ABTB2: variants seen among roughly 807,000 people sequenced by gnomAD.
The protein encoded by ABTB2 is ankyrin repeat and BTB/POZ domain-containing protein 2.
ABTB2 carries 56 observed loss-of-function variants against 104.1 expected under a neutral mutation model. The ratio of observed to expected loss-of-function variants is 0.54; its 90% CI spans 0.43 to 0.67. The LOEUF (loss-of-function observed/expected upper bound fraction) is 0.67. Among genes scored for constraint, ABTB2 ranks in the 30% least tolerant of loss-of-function variants. The pLI is 0.00. For synonymous variants in ABTB2, 606 were observed against 608.2 expected (o/e 1.00, Z 0.05); for missense variants, 1,279 against 1,407.7 (o/e 0.91, Z 1.46).
intron 1 of ABTB2, among the ~76,000 whole-genome samples, chr11:34,258,615 T>TTG (rs1565153053): frequency 4.8e-5 from 7 of 146,802 alleles, no homozygotes; most frequent in Admixed American, 2.7e-4. Context: ...CTTTTTTTTT[T>TTG]TTTTTTTTTT....
intron 3 of ABTB2, among the ~76,000 whole-genome samples, chr11:34,180,902 C>G (rs559626076): frequency 4.6e-5 from 7 of 152,092 alleles, no homozygotes; most frequent in African/African-American, 1.7e-4. Flanking sequence ...TTCTTAAGGC[C>G]TTGGTTTGTT....
intron 1 of ABTB2, among the ~76,000 whole-genome samples, chr11:34,251,354 C>T (rs561087226): frequency 1.6e-4 from 25 of 152,338 alleles, no homozygotes; most frequent in Admixed American, 1.6e-3. Context: ...GAGTGACAGC[C>T]CCAGGGGAAG....
At chr11:34,179,157 G>C (rs1852993702) in intron 3 of ABTB2, among the ~76,000 whole-genome samples, 1 of 151,840 alleles carries the variant, frequency 6.6e-6, no homozygotes, top group African/African-American at 2.4e-5. Context: ...GATATTGGCT[G>C]TATCAGAAAT....
intron 1 of ABTB2, among the ~76,000 whole-genome samples, chr11:34,208,694 T>C (rs956427628): frequency 6.6e-6 from 1 of 151,998 alleles, no homozygotes; most frequent in Non-Finnish European, 1.5e-5. Context: ...CCACCTCCTC[T>C]TCCACCAGCC....
chr11:34,351,398 T>C (rs1855396134), intron 1 of ABTB2, among the ~76,000 whole-genome samples: 1 of 147,660 alleles, frequency 6.8e-6, no homozygotes, highest in African/African-American at 2.6e-5. Context: ...CAGACGTCTG[T>C]TGTGAAGCCC....
At chr11:34,181,775 C>T (rs986384938) in intron 3 of ABTB2, among the ~76,000 whole-genome samples, 1 of 152,144 alleles carries the variant, frequency 6.6e-6, no homozygotes, top group African/African-American at 2.4e-5. Flanking sequence ...TGTGGCCTGC[C>T]CCACCTGCAA....
chr11:34,241,354 G>C lies in ABTB2; in HGVS notation c.884-36664C>G, dbSNP rs117769145. On this transcript the variant is annotated intron_variant, in intron 1 of 16. Coordinates refer to ENST00000435224, the MANE Select transcript of ABTB2 (RefSeq NM_145804.3). ...AGAGCCAGGAAAGGGGGTGGGGAGA[G>C]GAGGTGACATTTAACCAGGGACAGT... Among the ~76,000 whole-genome samples the C allele has an allele frequency of 3.3e-5, 5 of 152,146 alleles. No homozygotes were observed. The South Asian group carries it at 8.3e-4, about 25-fold the overall frequency.
At chr11:34,233,638 C>T (rs1464998054) in intron 1 of ABTB2, among the ~76,000 whole-genome samples, 1 of 126,266 alleles carries the variant, frequency 7.9e-6, no homozygotes, top group Non-Finnish European at 1.7e-5. Context: ...GCATGAACCA[C>T]TGTACCTGGC....
Position 34,164,837 on chromosome 11 carries a change from G to A in ABTB2, c.1853-16C>T, listed in dbSNP as rs1187551974. ...TCATAGTTCCCTGAAAGAGAAGGTG[G>A]GCAGCACGGAGGACACTGAGACAGT... is the stretch of plus-strand genomic sequence containing the variant. On this transcript the variant is annotated splice_polypyrimidine_tract_variant and intron_variant, in intron 8 of 16. Coordinates refer to ENST00000435224, the MANE Select transcript of ABTB2 (RefSeq NM_145804.3). The A allele has an allele frequency of 5.7e-6, 9 of 1,585,782 alleles. No individual in the cohort carries two copies. The highest frequency in any genetic ancestry group is 7.7e-6 in the Non-Finnish European group (9 of 1,171,644).
intron 1 of ABTB2, among the ~76,000 whole-genome samples, chr11:34,322,332 T>C (rs1159711939): frequency 6.6e-6 from 1 of 152,124 alleles, no homozygotes; most frequent in Admixed American, 6.5e-5. Flanking sequence ...TAATCGCACT[T>C]TGGGAGGTTG....
At chr11:34,268,342 G>A (rs1456890867) in intron 1 of ABTB2, among the ~76,000 whole-genome samples, 1 of 152,198 alleles carries the variant, frequency 6.6e-6, no homozygotes, top group Non-Finnish European at 1.5e-5. Flanking sequence ...TGAGGAACAC[G>A]AAGCAGAAGA....
At chr11:34,180,479 G>A (rs760990654) in intron 3 of ABTB2, among the ~76,000 whole-genome samples, 5 of 152,180 alleles carry the variant, frequency 3.3e-5, no homozygotes, top group African/African-American at 1.2e-4. Flanking sequence ...CCTAAATACC[G>A]TCATATGCAT....
chr11:34,241,532 A>T (rs894149437), intron 1 of ABTB2, among the ~76,000 whole-genome samples: 3 of 152,230 alleles, frequency 2.0e-5, no homozygotes, highest in Non-Finnish European at 2.9e-5. Context: ...GTTTGAGATG[A>T]TGACCCAGCA....
chr11:34,214,839 T>C (rs1853530437), intron 1 of ABTB2, among the ~76,000 whole-genome samples: 1 of 152,090 alleles, frequency 6.6e-6, no homozygotes, highest in East Asian at 1.9e-4. Context: ...TATGAGCTCA[T>C]GGAGGTTAAA....
chr11:34,182,757 A>G (rs541677219), intron 3 of ABTB2, among the ~76,000 whole-genome samples: 39 of 152,142 alleles, frequency 2.6e-4, no homozygotes, highest in Non-Finnish European at 5.0e-4. Flanking sequence ...AAAAATGCAA[A>G]CAGCTAACAT....
chr11:34,194,952 C>T (rs1025520844), intron 3 of ABTB2, among the ~76,000 whole-genome samples: 2 of 151,996 alleles, frequency 1.3e-5, no homozygotes, highest in African/African-American at 4.8e-5. Flanking sequence ...GCAAGCTCAG[C>T]TATTATAACC....
At position 34,165,244 on chromosome 11, in the gene ABTB2, G is replaced by C; in HGVS notation, c.1852+16C>G. The C allele has an allele frequency of 6.5e-7, 1 of 1,540,290 alleles. No homozygotes were observed. The highest frequency in any genetic ancestry group is 8.8e-7 in the Non-Finnish European group (1 of 1,141,226). On this transcript the variant is annotated intron_variant, in intron 8 of 16. Coordinates refer to ENST00000435224, the MANE Select transcript of ABTB2 (RefSeq NM_145804.3). ...CAGGGAAGGGTAGACAGAGCCTCCG[G>C]GTAGCAGGTGCCTACCTGCCGCAGA...
chr11:34,354,185 C>T (rs1000995819), intron 1 of ABTB2, among the ~76,000 whole-genome samples: 2 of 152,082 alleles, frequency 1.3e-5, no homozygotes, highest in African/African-American at 4.8e-5. Flanking sequence ...TCCCTGGAGA[C>T]CCGAGAAGGT....
intron 1 of ABTB2, among the ~76,000 whole-genome samples, chr11:34,298,573 G>C (rs1460348533): frequency 1.3e-5 from 2 of 151,946 alleles, no homozygotes; most frequent in Non-Finnish European, 2.9e-5. Context: ...AACGATTCTT[G>C]TGCCTCAGCC....
Sources: allele counts gnomAD v4.1 joint callset (sites outside exome capture counted in the v4.1 genomes callset), GRCh38; gene constraint gnomAD v4.1.1; transcripts MANE v1.5; gene names NCBI Gene and HGNC (gene_info 2026-07-23, HGNC 2026-07-21).